The following PDSS2 variants were observed in gnomAD, a reference collection of about 807,000 sequenced individuals.
The protein encoded by PDSS2 is all trans-polyprenyl-diphosphate synthase PDSS2.
PDSS2 carries 31 observed loss-of-function variants against 44.5 expected under a neutral mutation model. The ratio of observed to expected loss-of-function variants is 0.70; its 90% CI spans 0.52 to 0.94. The LOEUF is 0.94. PDSS2 is among the 40% of genes least tolerant of loss of function. The pLI is 0.00. For missense variants in PDSS2, 452 were observed against 482.2 expected, an observed-to-expected ratio of 0.94 and a Z score of 0.59; for synonymous variants, 157 against 180.3, an observed-to-expected ratio of 0.87 and a Z score of 1.03.
intron 1 of PDSS2, among the ~76,000 whole-genome samples, chr6:107,360,280 C>T (rs1004930737): frequency 6.6e-6 from 1 of 152,142 alleles, no homozygotes; most frequent in Non-Finnish European, 1.5e-5. Flanking sequence ...ATGCATCTTC[C>T]TGTGTATTCT....
At chr6:107,278,928 T>C (rs899029694) in intron 2 of PDSS2, among the ~76,000 whole-genome samples, 1 of 152,144 alleles carries the variant, frequency 6.6e-6, no homozygotes, top group African/African-American at 2.4e-5. Flanking sequence ...TAGTAACAAA[T>C]GACAATTTAA....
chr6:107,214,600 A>G (rs995455673), intron 4 of PDSS2, among the ~76,000 whole-genome samples: 3 of 152,140 alleles, frequency 2.0e-5, no homozygotes, highest in Non-Finnish European at 4.4e-5. Context: ...AATTAACTCA[A>G]TACACTTTTC....
Position 107,429,933 on chromosome 6 carries a change from TATATAC to T in PDSS2, c.296+29051_296+29056del, listed in dbSNP as rs1254998123. Among the ~76,000 whole-genome samples the T allele has an allele frequency of 6.7e-5, 7 of 105,118 alleles. No homozygotes were observed. In the South Asian group the frequency reaches 1.4e-3, roughly 21 times the overall value. The allele number at this position is 105,118 out of a possible 152,430, so 69.0% of individuals were successfully genotyped here. On this transcript the variant is annotated intron_variant, in intron 1 of 7. Coordinates refer to ENST00000369037, the MANE Select transcript of PDSS2 (RefSeq NM_020381.4). ...ATATATATATATATATATATATATA[TATATAC>T]ACCAAACCCAGAAAGAAAGATTTTG...
At chr6:107,337,878 ATG>A (rs1777955027) in intron 1 of PDSS2, among the ~76,000 whole-genome samples, 1 of 152,154 alleles carries the variant, frequency 6.6e-6, no homozygotes, top group Admixed American at 6.5e-5. Flanking sequence ...CCCTTTCAGA[ATG>A]CATTACTGAA....
intron 1 of PDSS2, among the ~76,000 whole-genome samples, chr6:107,401,578 A>T (rs1780106839): frequency 6.6e-6 from 1 of 152,206 alleles, no homozygotes; most frequent in Admixed American, 6.5e-5. Flanking sequence ...AACGAAAAAG[A>T]AATCTTTGAA....
intron 2 of PDSS2, among the ~76,000 whole-genome samples, chr6:107,308,628 G>A (rs1776937808): frequency 6.6e-6 from 1 of 152,232 alleles, no homozygotes. Context: ...GGAGGAATGG[G>A]AAGACTCCAA....
At chr6:107,190,209 CA>C (rs913061135) in intron 7 of PDSS2, among the ~76,000 whole-genome samples, 4 of 152,242 alleles carry the variant, frequency 2.6e-5, no homozygotes, top group Non-Finnish European at 4.4e-5. Flanking sequence ...TCTTTATCTT[CA>C]AACTAGTTTA....
chr6:107,249,513 G>T (rs942173789), intron 3 of PDSS2, among the ~76,000 whole-genome samples: 1 of 152,112 alleles, frequency 6.6e-6, no homozygotes, highest in Non-Finnish European at 1.5e-5. Context: ...GCCATCTGGA[G>T]AGCAATTAAA....
At chr6:107,302,557 A>G (rs1338477655) in intron 2 of PDSS2, among the ~76,000 whole-genome samples, 2 of 152,110 alleles carry the variant, frequency 1.3e-5, no homozygotes, top group Non-Finnish European at 2.9e-5. Flanking sequence ...CATAAGCCAC[A>G]GTGCCTGAAT....
At chr6:107,446,055 T>G (rs547390283) in intron 1 of PDSS2, among the ~76,000 whole-genome samples, 1 of 152,136 alleles carries the variant, frequency 6.6e-6, no homozygotes, top group East Asian at 1.9e-4. Flanking sequence ...CGGTGGCTCA[T>G]GCCTGTAATC....
chr6:107,247,050 C>G (rs944599618), intron 3 of PDSS2, among the ~76,000 whole-genome samples: 4 of 152,070 alleles, frequency 2.6e-5, no homozygotes, highest in African/African-American at 9.7e-5. Context: ...CAGATAAGCC[C>G]TATTCCTAAA....
intron 1 of PDSS2, among the ~76,000 whole-genome samples, chr6:107,383,117 C>A (rs1224807342): frequency 6.6e-6 from 1 of 151,218 alleles, no homozygotes; most frequent in Non-Finnish European, 1.5e-5. Flanking sequence ...GCCTGGCCAA[C>A]CTGGTAAAAC....
At chr6:107,453,305 T>C (rs1781935050) in intron 1 of PDSS2, among the ~76,000 whole-genome samples, 1 of 152,198 alleles carries the variant, frequency 6.6e-6, no homozygotes, top group Non-Finnish European at 1.5e-5. Flanking sequence ...TTTTATAGTT[T>C]AACATTTCAT....
At chr6:107,380,190 T>C (rs1779414464) in intron 1 of PDSS2, among the ~76,000 whole-genome samples, 1 of 152,184 alleles carries the variant, frequency 6.6e-6, no homozygotes, top group Non-Finnish European at 1.5e-5. Flanking sequence ...AGAAACTCCT[T>C]CTTAAATAGG....
At chr6:107,208,225 A>G (rs1320596190) in intron 6 of PDSS2, among the ~76,000 whole-genome samples, 1 of 132,974 alleles carries the variant, frequency 7.5e-6, no homozygotes, top group Non-Finnish European at 1.5e-5. Context: ...ACCTCTGGTG[A>G]TCCACCTGCC....
intron 4 of PDSS2, among the ~76,000 whole-genome samples, chr6:107,222,271 A>G (rs900480301): frequency 6.6e-6 from 1 of 152,194 alleles, no homozygotes; most frequent in Admixed American, 6.5e-5. Context: ...ATGCAATCTA[A>G]TATCTCCTGG....
At chr6:107,360,573 A>T (rs1483275326) in intron 1 of PDSS2, among the ~76,000 whole-genome samples, 1 of 15,286 alleles carries the variant, frequency 6.5e-5, no homozygotes, top group African/African-American at 9.3e-5. Context: ...TGCATTAAAA[A>T]CCAACAAAAA....
chr6:107,257,746 G>A lies in PDSS2; in HGVS notation c.631-12127C>T, dbSNP rs533596952. Among the ~76,000 whole-genome samples the A allele has an allele frequency of 4.9e-4, 75 of 152,096 alleles. 1 individual carries two copies. Among genetic ancestry groups the A allele is most frequent in the African/African-American group, 1.8e-3 (73 of 41,472 alleles). On this transcript the variant is annotated intron_variant, in intron 3 of 7. Transcript: ENST00000369037. Reference sequence around the variant, plus strand: ...CAATTCTTGTGCCTTGACCTCCCAAGTAGCTGGGATTACAGGTATGCCCCA... The same window carrying A: ...CAATTCTTGTGCCTTGACCTCCCAAATAGCTGGGATTACAGGTATGCCCCA...
intron 2 of PDSS2, among the ~76,000 whole-genome samples, chr6:107,318,504 T>G (rs1052519605): frequency 6.6e-6 from 1 of 151,700 alleles, no homozygotes; most frequent in African/African-American, 2.4e-5. Flanking sequence ...AATGGTTAGC[T>G]TAAAAAAAAA....
Sources: allele counts gnomAD v4.1 joint callset (sites outside exome capture counted in the v4.1 genomes callset), GRCh38; gene constraint gnomAD v4.1.1; transcripts MANE v1.5; gene names NCBI Gene and HGNC (gene_info 2026-07-23, HGNC 2026-07-21).